Variants in NEO1 observed in about 807,000 individuals in gnomAD.
The protein encoded by NEO1 is neogenin 1, also known as neogenin.
A neutral mutation model predicts 159.7 loss-of-function variants in NEO1; 63 were observed. The observed-to-expected ratio is 0.39, with a 90% CI of 0.32 to 0.49. The LOEUF (loss-of-function observed/expected upper bound fraction) is 0.49. Among genes scored for constraint, NEO1 ranks in the 20% least tolerant of loss-of-function variants. NEO1 has a pLI of 0.85. For missense variants in NEO1, 1,615 were observed against 1,831.0 expected, an observed-to-expected ratio of 0.88 and a Z score of 2.15; for synonymous variants, 633 against 662.0, an observed-to-expected ratio of 0.96 and a Z score of 0.67.
chr15:73,293,376 G>T lies in NEO1; in HGVS notation c.3743-14G>T, dbSNP rs2042231904. On this transcript the variant is annotated splice_polypyrimidine_tract_variant and intron_variant, in intron 25 of 28. Transcript: ENST00000261908. ...AGCATGTTAAGCATTTCTCTGTCTT[G>T]TGTTCATTCACAGCTGTGATTAGTG... 6.2e-7 allele frequency: 1 copy of T among 1,613,872 alleles called. No homozygotes were observed. Among genetic ancestry groups the T allele is most frequent in the Non-Finnish European group, 8.5e-7 (1 of 1,179,952 alleles).
chr15:73,246,320 G>A (rs1016592143), intron 9 of NEO1, among the ~76,000 whole-genome samples: 4 of 152,170 alleles, frequency 2.6e-5, no homozygotes, highest in African/African-American at 9.7e-5. Context: ...GAACAAGAGG[G>A]CCATCACAGA....
At chr15:73,173,393 C>T (rs919181053) in intron 5 of NEO1, among the ~76,000 whole-genome samples, 1 of 151,922 alleles carries the variant, frequency 6.6e-6, no homozygotes, top group African/African-American at 2.4e-5. Flanking sequence ...ATGGATGAAA[C>T]CAATTAGTGT....
At chr15:73,150,730 C>T (rs2033300018) in intron 5 of NEO1, among the ~76,000 whole-genome samples, 1 of 152,140 alleles carries the variant, frequency 6.6e-6, no homozygotes, top group South Asian at 2.1e-4. Flanking sequence ...ACAACCAAAA[C>T]CCATATTAAA....
intron 5 of NEO1, among the ~76,000 whole-genome samples, chr15:73,166,759 C>T (rs953420402): frequency 2.0e-5 from 3 of 152,114 alleles, no homozygotes; most frequent in Admixed American, 1.3e-4. Context: ...TCTCCCAAGT[C>T]CCTCAGGAAG....
intron 4 of NEO1, among the ~76,000 whole-genome samples, chr15:73,128,438 G>T (rs1567262249): frequency 2.0e-5 from 3 of 152,174 alleles, no homozygotes; most frequent in African/African-American, 7.2e-5. Flanking sequence ...TATATATAAT[G>T]ATTTTTTATG....
At chr15:73,287,054 A>G (rs1406641339) in intron 23 of NEO1, among the ~76,000 whole-genome samples, 1 of 152,222 alleles carries the variant, frequency 6.6e-6, no homozygotes, top group Non-Finnish European at 1.5e-5. Context: ...AGGGAAGTTC[A>G]CACTCTTAGC....
At chr15:73,071,041 G>A (rs769069888) in intron 1 of NEO1, among the ~76,000 whole-genome samples, 2 of 150,964 alleles carry the variant, frequency 1.3e-5, no homozygotes, top group African/African-American at 4.9e-5. Context: ...CATAGCTAAC[G>A]GTAGCCTTCA....
intron 1 of NEO1, among the ~76,000 whole-genome samples, chr15:73,075,688 A>G (rs1417294359): frequency 6.6e-6 from 1 of 152,176 alleles, no homozygotes; most frequent in Non-Finnish European, 1.5e-5. Flanking sequence ...TTTGTATCAT[A>G]GGATGCCACG....
intron 5 of NEO1, among the ~76,000 whole-genome samples, chr15:73,149,635 C>A (rs928816312): frequency 1.3e-5 from 2 of 152,082 alleles, no homozygotes; most frequent in Non-Finnish European, 1.5e-5. Flanking sequence ...ATATTTTTAA[C>A]AGATAAATTT....
chr15:73,130,315 C>T (rs1318421439), intron 4 of NEO1, among the ~76,000 whole-genome samples: 3 of 149,692 alleles, frequency 2.0e-5, no homozygotes, highest in African/African-American at 7.3e-5. Context: ...CCCGCCCCCC[C>T]CGCCGCATAA....
chr15:73,096,148 A>G (rs2070017524), intron 1 of NEO1, among the ~76,000 whole-genome samples: 1 of 152,204 alleles, frequency 6.6e-6, no homozygotes, highest in African/African-American at 2.4e-5. Context: ...ATCTACATCC[A>G]TTTGCAAGGA....
chr15:73,129,204 A>G (rs1261544375), intron 4 of NEO1, among the ~76,000 whole-genome samples: 1 of 152,234 alleles, frequency 6.6e-6, no homozygotes, highest in African/African-American at 2.4e-5. Flanking sequence ...GTTGGAAAAT[A>G]TAAGTGAATG....
intron 1 of NEO1, among the ~76,000 whole-genome samples, chr15:73,113,392 T>A (rs1644996632): frequency 6.6e-6 from 1 of 152,090 alleles, no homozygotes; most frequent in South Asian, 2.1e-4. Flanking sequence ...CCATGCTAGG[T>A]GGGTACTGGG....
intron 5 of NEO1, among the ~76,000 whole-genome samples, chr15:73,150,788 C>T (rs1045008460): frequency 2.0e-5 from 3 of 152,186 alleles, no homozygotes; most frequent in Admixed American, 6.5e-5. Flanking sequence ...TTCCTCTTCT[C>T]AGTAAATCCT....
intron 7 of NEO1, among the ~76,000 whole-genome samples, chr15:73,205,447 T>G (rs2037156317): frequency 6.6e-6 from 1 of 152,188 alleles, no homozygotes; most frequent in Admixed American, 6.5e-5. Context: ...TCATGATGGT[T>G]ACTCTTCCTC....
intron 7 of NEO1, among the ~76,000 whole-genome samples, chr15:73,196,816 C>A (rs55646651): frequency 1.3e-5 from 2 of 152,038 alleles, no homozygotes; most frequent in Non-Finnish European, 2.9e-5. Flanking sequence ...TATTTGAAAC[C>A]TTCTTGCCTC....
chr15:73,197,040 C>G (rs1267376864), intron 7 of NEO1, among the ~76,000 whole-genome samples: 1 of 152,022 alleles, frequency 6.6e-6, no homozygotes, highest in Non-Finnish European at 1.5e-5. Flanking sequence ...TTTTGTCTAC[C>G]TTATCTGTCA....
chr15:73,169,622 G>A (rs552202179), intron 5 of NEO1, among the ~76,000 whole-genome samples: 14 of 147,202 alleles, frequency 9.5e-5, no homozygotes, highest in Admixed American at 3.4e-4. Context: ...AATGCATACC[G>A]AAATTATCTG....
At chr15:73,058,353 G>A (rs980592420) in intron 1 of NEO1, among the ~76,000 whole-genome samples, 1 of 152,152 alleles carries the variant, frequency 6.6e-6, no homozygotes, top group Admixed American at 6.5e-5. Flanking sequence ...GTGCCTTGCC[G>A]AAGGTCTCAC....
Sources: gnomAD v4.1 joint callset for allele counts (sites outside exome capture counted in the v4.1 genomes callset) on GRCh38, gnomAD v4.1.1 for gene constraint, MANE v1.5 for transcripts, NCBI Gene and HGNC (gene_info 2026-07-23, HGNC 2026-07-21) for gene names.